The following KCNIP4 variants were observed in gnomAD, a reference collection of about 807,000 sequenced individuals.
KCNIP4 encodes the protein potassium voltage-gated channel interacting protein 4, also known as Kv channel-interacting protein 4.
A neutral mutation model predicts 34.0 loss-of-function variants in KCNIP4; 12 were observed. The ratio of observed to expected loss-of-function variants is 0.35; its 90% CI spans 0.23 to 0.57. The LOEUF is 0.57. Ranked by LOEUF, KCNIP4 falls within the 20% of genes least tolerant of loss-of-function variation. The pLI is 0.83. For missense variants in KCNIP4, 238 were observed against 311.7 expected (o/e 0.76, Z 1.78); for synonymous variants, 124 against 102.2 (o/e 1.21, Z -1.29).
chr4:21,551,279 C>T (rs901013155), intron 1 of KCNIP4, among the ~76,000 whole-genome samples: 12 of 152,064 alleles, frequency 7.9e-5, no homozygotes, highest in African/African-American at 2.7e-4. Context: ...AAAAGGAATA[C>T]AGTGATACAA....
chr4:20,915,535 TAG>T (rs1220447992), intron 1 of KCNIP4, among the ~76,000 whole-genome samples: 4 of 152,194 alleles, frequency 2.6e-5, no homozygotes, highest in Admixed American at 2.6e-4. Flanking sequence ...AAAATGCCTA[TAG>T]AGTCACCAGG....
chr4:21,324,276 C>T (rs1179504666), intron 1 of KCNIP4, among the ~76,000 whole-genome samples: 1 of 151,844 alleles, frequency 6.6e-6, no homozygotes, highest in East Asian at 1.9e-4. Flanking sequence ...TCCATTTTTG[C>T]TTTGGTTGCC....
intron 1 of KCNIP4, among the ~76,000 whole-genome samples, chr4:21,902,324 T>C (rs1031004323): frequency 1.3e-5 from 2 of 152,296 alleles, no homozygotes; most frequent in African/African-American, 4.8e-5. Context: ...ATCCTGGATA[T>C]ATAGAAGTGA....
At chr4:21,640,912 C>A (rs929328179) in intron 1 of KCNIP4, among the ~76,000 whole-genome samples, 7 of 152,110 alleles carry the variant, frequency 4.6e-5, no homozygotes, top group African/African-American at 1.7e-4. Flanking sequence ...ACAGGACAAC[C>A]ATAGTGCATA....
intron 1 of KCNIP4, among the ~76,000 whole-genome samples, chr4:21,472,310 T>C (rs79949705): frequency 0.015 from 2,261 of 151,646 alleles, 61 homozygotes; most frequent in African/African-American, 0.052. Context: ...TCGTAGGAGA[T>C]GGTAGAGCAA....
intron 1 of KCNIP4, among the ~76,000 whole-genome samples, chr4:21,325,967 A>G (rs1165835148): frequency 6.6e-6 from 1 of 151,864 alleles, no homozygotes; most frequent in Non-Finnish European, 1.5e-5. Flanking sequence ...ATGATACTTG[A>G]TATAATTTCA....
At chr4:21,475,007 C>A (rs574000) in intron 1 of KCNIP4, among the ~76,000 whole-genome samples, 48,947 of 94,928 alleles carry the variant, frequency 0.52, 9,336 homozygotes, top group African/African-American at 0.57. Flanking sequence ...TCTCGAAAAA[C>A]AAAAAAAAAA....
Position 21,399,762 on chromosome 4 carries a change from T to C in KCNIP4, c.62-517053A>G, listed in dbSNP as rs186041972. ...ACCTCCACCTCACAGGTTCAAGCAATTCTCCTGCCTCAGCCTCCCAAGTAG... is the reference window on the plus strand; with the variant it reads ...ACCTCCACCTCACAGGTTCAAGCAACTCTCCTGCCTCAGCCTCCCAAGTAG... On this transcript the variant is annotated intron_variant, in intron 1 of 8. Coordinates refer to ENST00000382152, the MANE Select transcript of KCNIP4 (RefSeq NM_025221.6). 4.6e-3 allele frequency among the ~76,000 whole-genome samples: 701 copies of C among 152,146 alleles called. 7 individuals carry two copies. The highest frequency in any genetic ancestry group is 0.016 in the African/African-American group (679 of 41,508).
intron 1 of KCNIP4, among the ~76,000 whole-genome samples, chr4:21,350,488 G>T (rs13141449): frequency 0.031 from 4,660 of 152,168 alleles, 208 homozygotes; most frequent in East Asian, 0.2. Flanking sequence ...CAAACTTCTG[G>T]ACTCTTTTCT....
chr4:20,778,303 A>G (rs1756555239), intron 3 of KCNIP4, among the ~76,000 whole-genome samples: 2 of 152,220 alleles, frequency 1.3e-5, no homozygotes, highest in African/African-American at 2.4e-5. Flanking sequence ...TACTTACCCC[A>G]TAGAGTTAAT....
Position 21,647,517 on chromosome 4 carries a change from A to G in KCNIP4, c.61+301054T>C, listed in dbSNP as rs141945569. On this transcript the variant is annotated intron_variant, in intron 1 of 8. Transcript: ENST00000382152. ...TTATTCCATTTTCTGAAAAAGACCT[A>G]CTCCTACAGATTATTATTAAGAAGT... 2.1e-3 allele frequency among the ~76,000 whole-genome samples: 314 copies of G among 152,278 alleles called. 1 individual carries two copies. Among genetic ancestry groups the G allele is most frequent in the African/African-American group, 5.7e-3 (237 of 41,554 alleles).
intron 1 of KCNIP4, among the ~76,000 whole-genome samples, chr4:21,416,198 A>G (rs1272229367): frequency 6.6e-6 from 1 of 152,242 alleles, no homozygotes; most frequent in Non-Finnish European, 1.5e-5. Flanking sequence ...TCCTATAAAT[A>G]TTTTAGCTAA....
intron 2 of KCNIP4, among the ~76,000 whole-genome samples, chr4:20,879,576 A>G (rs142336787): frequency 6.6e-6 from 1 of 152,232 alleles, no homozygotes; most frequent in Admixed American, 6.5e-5. Context: ...AAGAATGTCT[A>G]TGGTTCTTCA....
chr4:20,775,688 C>G (rs1211759791), intron 3 of KCNIP4, among the ~76,000 whole-genome samples: 1 of 152,116 alleles, frequency 6.6e-6, no homozygotes, highest in Non-Finnish European at 1.5e-5. Context: ...GCCTGGGCAA[C>G]AGAGAGAGAC....
intron 1 of KCNIP4, among the ~76,000 whole-genome samples, chr4:21,233,222 C>A (rs1212106439): frequency 1.3e-5 from 2 of 152,072 alleles, no homozygotes; most frequent in African/African-American, 2.4e-5. Flanking sequence ...TAAGTTGTCA[C>A]TGATGACATG....
intron 1 of KCNIP4, among the ~76,000 whole-genome samples, chr4:21,610,651 C>G (rs962918579): frequency 1.3e-5 from 2 of 151,954 alleles, no homozygotes; most frequent in Non-Finnish European, 2.9e-5. Context: ...AATAAGAATA[C>G]GAAGTCATTT....
chr4:21,175,364 G>T (rs1264286256), intron 1 of KCNIP4, among the ~76,000 whole-genome samples: 1 of 152,076 alleles, frequency 6.6e-6, no homozygotes, highest in African/African-American at 2.4e-5. Context: ...GAGGGATATG[G>T]ATAATTCATT....
chr4:21,696,275 T>C (rs115271774), intron 1 of KCNIP4, among the ~76,000 whole-genome samples: 2,172 of 152,136 alleles, frequency 0.014, 41 homozygotes, highest in African/African-American at 0.042. Context: ...CGCCAAGACT[T>C]TACTTTCTTA....
At chr4:21,505,928 C>T (rs372832134) in intron 1 of KCNIP4, among the ~76,000 whole-genome samples, 33 of 152,200 alleles carry the variant, frequency 2.2e-4, no homozygotes, top group African/African-American at 7.9e-4. Flanking sequence ...AATGGATAAA[C>T]CCCATCTCTA....
Sources: allele counts gnomAD v4.1 joint callset (sites outside exome capture counted in the v4.1 genomes callset), GRCh38; gene constraint gnomAD v4.1.1; transcripts MANE v1.5; gene names NCBI Gene and HGNC (gene_info 2026-07-23, HGNC 2026-07-21).